KLKB1: variants seen among roughly 807,000 people sequenced by gnomAD.
The protein encoded by KLKB1 is plasma kallikrein.
Under a neutral mutation model 73.6 loss-of-function variants are expected in KLKB1, and 58 were observed. The ratio of observed to expected loss-of-function variants is 0.79; its 90% CI spans 0.64 to 0.98. The LOEUF (loss-of-function observed/expected upper bound fraction) is 0.98. KLKB1 is among the 50% of genes least tolerant of loss of function. The probability of loss-of-function intolerance (pLI) is 0.00; values close to 1 mark genes in which losing one functional copy is unlikely to be tolerated. For synonymous variants in KLKB1, 280 were observed against 258.1 expected, an observed-to-expected ratio of 1.08 and a Z score of -0.81; for missense variants, 737 against 763.8, an observed-to-expected ratio of 0.96 and a Z score of 0.41.
upstream of KLKB1, chr4:186,226,368 C>T (rs182848733): frequency 6.6e-6 from 1 of 152,160 alleles, no homozygotes; most frequent in Non-Finnish European, 1.5e-5. Flanking sequence ...GAAGTAGGCA[C>T]CTATTTCAGT....
Position 186,256,148 on chromosome 4 carries a change from G to A in KLKB1, c.1585+61G>A, listed in dbSNP as rs543340505. On this transcript the variant is annotated intron_variant, in intron 13 of 14. Coordinates refer to ENST00000264690, the MANE Select transcript of KLKB1 (RefSeq NM_000892.5). Reference sequence around the variant, plus strand: ...AGTCTCACATGTTGAAATACATGGAGTGGGTCGTTTTAATCGGTTTCTGTC... The same window carrying A: ...AGTCTCACATGTTGAAATACATGGAATGGGTCGTTTTAATCGGTTTCTGTC... 1.5e-4 allele frequency: 156 copies of A among 1,044,552 alleles called. 2 individuals are homozygous for A. In the South Asian group the frequency reaches 1.9e-3, roughly 13 times the overall value. The allele number at this position is 1,044,552 out of a possible 1,614,324, so 64.7% of individuals were successfully genotyped here. A position where few individuals can be genotyped will look rare whatever the true frequency, so the allele number is the denominator to read the frequency against.
intron 5 of KLKB1, among the ~76,000 whole-genome samples, chr4:186,237,443 A>C (rs1737754695): frequency 6.6e-6 from 1 of 150,798 alleles, no homozygotes; most frequent in African/African-American, 2.4e-5. Context: ...TTGTTTCTCT[A>C]CTCTTTTCCC....
rs763164885 is a variant in KLKB1 at position 186,251,750 on chromosome 4, TGTAA to T, written c.1036_1039del (p.Lys346ValfsTer3). On this transcript the variant is annotated frameshift_variant and splice_region_variant, in exon 10 of 15. Coordinates refer to ENST00000264690, the MANE Select transcript of KLKB1 (RefSeq NM_000892.5). LOFTEE classifies it high-confidence loss of function. ...CTTTCTACTGTTCATTTCATCTAGG[TGTAA>T]GTGTTTCTTAAGATTATCTATGGAT... 6 of 1,611,348 alleles carry T rather than the reference TGTAA, an allele frequency of 3.7e-6. No homozygotes were observed. In the African/African-American group the frequency reaches 5.3e-5, roughly 14 times the overall value.
chr4:186,254,588 G>A lies in KLKB1; in HGVS notation c.1314G>A (p.Gly438=). Residue 438 remains glycine, a splice_region_variant and synonymous_variant, in exon 12 of 15, where the codon GGG becomes GGA. Transcript: ENST00000264690. ...ACAGGTATTTATTTTTCTCTCCTAGGCTTCCCCTGCAGGATGTTTGGCGCA... is the reference window on the plus strand; with the variant it reads ...ACAGGTATTTATTTTTCTCTCCTAGACTTCCCCTGCAGGATGTTTGGCGCA... ...WVLTAAHCFD[G]LPLQDVWRIY... The A allele has an allele frequency of 6.2e-7, 1 of 1,613,654 alleles. No individual in the cohort carries two copies. Among genetic ancestry groups the A allele is most frequent in the South Asian group, 1.1e-5 (1 of 91,056 alleles).
rs566411170 is a variant in KLKB1, at chr4:186,258,007, C to T, written c.1726-14C>T. The stretch of plus-strand genomic sequence containing the variant: ...CGTAACTTTCTACTATTTTATTTTT[C>T]CACTGTGACTCAGGGAGATTCAGGT... On this transcript the variant is annotated splice_polypyrimidine_tract_variant and intron_variant, in intron 14 of 14. Transcript: ENST00000264690. The T allele has an allele frequency of 2.6e-5, 42 of 1,612,928 alleles. No homozygotes were observed. The Middle Eastern group carries it at 6.6e-4, about 25-fold the overall frequency.
chr4:186,250,312 A>G lies in KLKB1; in HGVS notation c.668A>G (p.Asp223Gly). The change falls in exon 7 of 15, where the codon GAT (aspartate) becomes GGT (glycine). Residue 223 changes from aspartate to glycine, a missense_variant. Asp to Gly is a moderately conservative substitution (Grantham distance 94, BLOSUM62 -1). Transcript: ENST00000264690. ...DVDVARVLTP[D>G]AFVCRTICTY... ...GATGTTGCCAGGGTTCTCACTCCAGATGCTTTTGTGTGTCGGACCATCTGC... is the reference window on the plus strand; with the variant it reads ...GATGTTGCCAGGGTTCTCACTCCAGGTGCTTTTGTGTGTCGGACCATCTGC... The G allele has an allele frequency of 3.1e-6, 5 of 1,614,064 alleles. No homozygotes were observed. The highest frequency in any genetic ancestry group is 4.2e-6 in the Non-Finnish European group (5 of 1,179,940).
chr4:186,247,391 G>T (rs1738411451), intron 6 of KLKB1, among the ~76,000 whole-genome samples: 1 of 150,952 alleles, frequency 6.6e-6, no homozygotes, highest in Non-Finnish European at 1.5e-5. Flanking sequence ...GTCAAAGGGG[G>T]TTGTTCTCTG....
intron 2 of KLKB1, among the ~76,000 whole-genome samples, chr4:186,218,536 T>A: frequency 2.0e-5 from 3 of 152,276 alleles, no homozygotes; most frequent in Admixed American, 2.0e-4. Flanking sequence ...AAATTATATA[T>A]ATCTACTGTG....
chr4:186,232,678 G>A (rs1016430655), intron 3 of KLKB1, among the ~76,000 whole-genome samples: 5 of 152,306 alleles, frequency 3.3e-5, no homozygotes, highest in South Asian at 2.1e-4. Flanking sequence ...TCACATTAGC[G>A]GATAGCACAG....
intron 6 of KLKB1, among the ~76,000 whole-genome samples, chr4:186,245,030 G>A (rs1738255203): frequency 6.6e-6 from 1 of 152,126 alleles, no homozygotes. Context: ...TTGAGGTGTG[G>A]CTGTGGCCTA....
At chr4:186,233,397 A>G (rs1307029997) in intron 3 of KLKB1, among the ~76,000 whole-genome samples, 2 of 152,218 alleles carry the variant, frequency 1.3e-5, no homozygotes, top group African/African-American at 4.8e-5. Context: ...TTGGATAGTC[A>G]TTCTCTGATC....
upstream of KLKB1, among the ~76,000 whole-genome samples, chr4:186,226,959 T>G (rs1212582454): frequency 6.6e-6 from 1 of 152,124 alleles, no homozygotes; most frequent in Non-Finnish European, 1.5e-5. Context: ...GGGGCTGACC[T>G]GGTCTGGGGT....
At chr4:186,241,753 A>G (rs1738065351) in intron 6 of KLKB1, among the ~76,000 whole-genome samples, 2 of 152,192 alleles carry the variant, frequency 1.3e-5, no homozygotes, top group Admixed American at 6.5e-5. Flanking sequence ...TGGTTGATAA[A>G]ATTGCAATTA....
At chr4:186,221,553 C>G (rs1159099756), upstream of KLKB1, among the ~76,000 whole-genome samples, 2 of 151,996 alleles carry the variant, frequency 1.3e-5, no homozygotes, top group Non-Finnish European at 2.9e-5. Context: ...TTCTTTGACT[C>G]ATTGGTTGTT....
Position 186,251,734 on chromosome 4 carries a change from G to C in KLKB1, c.1032-15G>C, listed in dbSNP as rs1164837590. The C allele has an allele frequency of 2.5e-6, 4 of 1,607,722 alleles. No homozygotes were observed. The highest frequency in any genetic ancestry group is 4.5e-5 in the East Asian group (2 of 44,854). On this transcript the variant is annotated splice_polypyrimidine_tract_variant and intron_variant, in intron 9 of 14. Transcript: ENST00000264690. ...CCTGTGAAGGCTTACTCTTTCTACT[G>C]TTCATTTCATCTAGGTGTAAGTGTT...
intron 6 of KLKB1, among the ~76,000 whole-genome samples, chr4:186,249,020 T>G (rs1738531916): frequency 6.6e-6 from 1 of 152,196 alleles, no homozygotes; most frequent in Non-Finnish European, 1.5e-5. Flanking sequence ...AATAATTGGG[T>G]TATTTTCATT....
At chr4:186,253,222 A>G (rs888706190) in intron 11 of KLKB1, among the ~76,000 whole-genome samples, 14 of 152,256 alleles carry the variant, frequency 9.2e-5, no homozygotes, top group South Asian at 2.1e-4. Flanking sequence ...TGGACAAAGC[A>G]TATAAAAAGC....
At chr4:186,220,628 G>A (rs1344479778) in intron 2 of KLKB1, among the ~76,000 whole-genome samples, 1 of 152,252 alleles carries the variant, frequency 6.6e-6, no homozygotes, top group Middle Eastern at 3.4e-3. Context: ...CATTTATTGA[G>A]TTGCATATGT....
intron 6 of KLKB1, among the ~76,000 whole-genome samples, chr4:186,239,096 C>A (rs12509937): frequency 4.1e-5 from 5 of 121,078 alleles, no homozygotes; most frequent in Non-Finnish European, 8.6e-5. Flanking sequence ...GATACTGTTA[C>A]AGGTACAGTG....
Sources: gnomAD v4.1 joint callset for allele counts (sites outside exome capture counted in the v4.1 genomes callset) on GRCh38, gnomAD v4.1.1 for gene constraint, MANE v1.5 for transcripts, NCBI Gene and HGNC (gene_info 2026-07-23, HGNC 2026-07-21) for gene names.